Variants in VWA8 observed in about 807,000 individuals in gnomAD.
VWA8 encodes von Willebrand factor A domain containing 8, also known as von Willebrand factor A domain-containing protein 8.
A neutral mutation model predicts 241.5 loss-of-function variants in VWA8; 221 were observed. The ratio of observed to expected loss-of-function variants is 0.91; its 90% CI spans 0.82 to 1.02. The LOEUF is 1.02. Among genes scored for constraint, VWA8 ranks in the 50% least tolerant of loss-of-function variants. VWA8 has a pLI of 0.00. For missense variants in VWA8, 2,322 were observed against 2,328.7 expected (o/e 1.00, Z 0.06); for synonymous variants, 852 against 827.1 (o/e 1.03, Z -0.52).
intron 43 of VWA8, among the ~76,000 whole-genome samples, chr13:41,573,108 C>CAAA (rs71086585): frequency 8.3e-5 from 6 of 72,396 alleles, no homozygotes; most frequent in Admixed American, 3.0e-4. Context: ...GACACCGTTT[C>CAAA]AAAAAAAAAA....
rs768100252 is a variant in VWA8 at position 41,891,491 on chromosome 13, C to G, written c.580G>C (p.Glu194Gln). The G allele has an allele frequency of 9.9e-6, 16 of 1,614,082 alleles. No individual in the cohort carries two copies. The African/African-American group carries it at 2.1e-4, about 22-fold the overall frequency. ...NVLPVLNNLLENREMQLEDGR... is the reference protein window; with the variant it reads ...NVLPVLNNLLQNREMQLEDGR... ...TCTTCAAGCTGCATCTCTCTGTTTT[C>G]CAGCAAGTTGTTCAAAACAGGCAAA... Residue 194 changes from glutamate to glutamine, a missense_variant, in exon 5 of 45, where the codon GAA (glutamate) becomes CAA (glutamine). Physicochemically the swap from Glu to Gln is conservative, Grantham distance 29. Transcript: ENST00000379310.
chr13:41,898,213 C>CA (rs1435832847), intron 4 of VWA8, among the ~76,000 whole-genome samples: 1 of 151,498 alleles, frequency 6.6e-6, no homozygotes, highest in Non-Finnish European at 1.5e-5. Flanking sequence ...AAGGCCCCAC[C>CA]AGAGCAGGTA....
At chr13:41,824,598 A>G (rs774742376) in intron 14 of VWA8, among the ~76,000 whole-genome samples, 14 of 151,956 alleles carry the variant, frequency 9.2e-5, no homozygotes, top group Non-Finnish European at 1.3e-4. Flanking sequence ...GAGGGTGAGG[A>G]GGGAGGACTG....
At chr13:41,603,755 C>G (rs2044536626) in intron 40 of VWA8, among the ~76,000 whole-genome samples, 1 of 152,108 alleles carries the variant, frequency 6.6e-6, no homozygotes, top group South Asian at 2.1e-4. Context: ...ACTCACTGTG[C>G]TCTCCTATAC....
At chr13:41,923,965 A>G (rs79846263) in intron 2 of VWA8, among the ~76,000 whole-genome samples, 1,817 of 152,222 alleles carry the variant, frequency 0.012, 13 homozygotes, top group Non-Finnish European at 0.017. Context: ...AATCAGCATC[A>G]GAACACAAAC....
At chr13:41,715,495 A>G (rs1231568951) in intron 26 of VWA8, among the ~76,000 whole-genome samples, 1 of 152,004 alleles carries the variant, frequency 6.6e-6, no homozygotes, top group Non-Finnish European at 1.5e-5. Context: ...GATTTCATAA[A>G]TTATTCTGAA....
chr13:41,617,253 G>A (rs1454931747), intron 37 of VWA8, among the ~76,000 whole-genome samples: 1 of 151,884 alleles, frequency 6.6e-6, no homozygotes, highest in East Asian at 1.9e-4. Context: ...CAAGTAGCTG[G>A]GATTACAGGC....
At chr13:41,860,330 A>C (rs574908691) in intron 12 of VWA8, among the ~76,000 whole-genome samples, 3 of 152,352 alleles carry the variant, frequency 2.0e-5, no homozygotes, top group African/African-American at 7.2e-5. Context: ...TCTTTGCAGG[A>C]CATCTAAAAG....
At position 41,849,492 on chromosome 13, in the gene VWA8, C is replaced by T. The variant is rs374831808; in HGVS notation, c.1426-15961G>A. ...ACTAACGTCACTAACCTCTGGCAAA[C>T]TCCTCACATTTGCAGTGGTCTTCAA... is the stretch of plus-strand genomic sequence containing the variant. On this transcript the variant is annotated intron_variant, in intron 12 of 44. Transcript: ENST00000379310. Among the ~76,000 whole-genome samples, 45 of 152,298 alleles carry T rather than the reference C, an allele frequency of 3.0e-4. No individual in the cohort carries two copies. The East Asian group carries it at 5.0e-3, about 17-fold the overall frequency.
Position 41,912,173 on chromosome 13 carries a change from A to G in VWA8, c.242-5T>C. 2 of 1,579,574 alleles carry G rather than the reference A, an allele frequency of 1.3e-6. No homozygotes were observed. Among genetic ancestry groups the G allele is most frequent in the Non-Finnish European group, 1.7e-6 (2 of 1,163,648 alleles). On this transcript the variant is annotated splice_polypyrimidine_tract_variant and splice_region_variant and intron_variant, in intron 2 of 44. Transcript: ENST00000379310. ...ATTGAGCCAGAGAGTCTGAAACTAT[A>G]AAGAAAAAAGAGAAAATGAAGTGCA... is the stretch of plus-strand genomic sequence containing the variant.
At chr13:41,571,366 C>G (rs893157840) in intron 43 of VWA8, among the ~76,000 whole-genome samples, 1 of 145,572 alleles carries the variant, frequency 6.9e-6, no homozygotes, top group Non-Finnish European at 1.5e-5. Context: ...TCCCTCTCCC[C>G]GGTCTCCCTC....
At chr13:41,914,226 A>G (rs9532946) in intron 2 of VWA8, among the ~76,000 whole-genome samples, 35,170 of 152,212 alleles carry the variant, frequency 0.23, 4,127 homozygotes, top group East Asian at 0.29. Flanking sequence ...GATATATAAC[A>G]TATCTATGGT....
chr13:41,907,808 T>C (rs1488952435), intron 3 of VWA8, 112 bp from the exon 4 acceptor site: 2 of 831,784 alleles, frequency 2.4e-6, no homozygotes, highest in African/African-American at 3.4e-5. Flanking sequence ...TTGTTAAACC[T>C]AATTTTGGGT....
chr13:41,672,963 C>T (rs2045035769), intron 36 of VWA8, among the ~76,000 whole-genome samples: 1 of 152,160 alleles, frequency 6.6e-6, no homozygotes, highest in Admixed American at 6.5e-5. Context: ...ATTGTCACTA[C>T]TTAACTCTTC....
chr13:41,884,888 T>TAC (rs1874442450), intron 8 of VWA8, among the ~76,000 whole-genome samples: 1 of 122,046 alleles, frequency 8.2e-6, no homozygotes, highest in African/African-American at 2.9e-5. Flanking sequence ...GAAACATACA[T>TAC]ATATACATAC....
chr13:41,906,718 A>G (rs1875737315), intron 4 of VWA8, among the ~76,000 whole-genome samples: 4 of 152,120 alleles, frequency 2.6e-5, no homozygotes, highest in Admixed American at 2.6e-4. Context: ...TAGAAACATA[A>G]CTGTTGAGTC....
chr13:41,588,950 A>G (rs2044437343), intron 41 of VWA8, among the ~76,000 whole-genome samples: 1 of 152,244 alleles, frequency 6.6e-6, no homozygotes, highest in African/African-American at 2.4e-5. Context: ...TCACAATTTC[A>G]GATGTATCCA....
chr13:41,786,625 G>A (rs556607102), intron 18 of VWA8, among the ~76,000 whole-genome samples: 43 of 151,992 alleles, frequency 2.8e-4, no homozygotes, highest in African/African-American at 1.0e-3. Context: ...TTGACTCTGC[G>A]TATCTGTATT....
intron 14 of VWA8, among the ~76,000 whole-genome samples, chr13:41,823,413 T>A (rs975066654): frequency 6.6e-6 from 1 of 152,214 alleles, no homozygotes; most frequent in African/African-American, 2.4e-5. Context: ...CACTAATCTT[T>A]ATTGTTTCCC....
Sources: gnomAD v4.1 joint callset for allele counts (sites outside exome capture counted in the v4.1 genomes callset) on GRCh38, gnomAD v4.1.1 for gene constraint, MANE v1.5 for transcripts, NCBI Gene and HGNC (gene_info 2026-07-23, HGNC 2026-07-21) for gene names.